Variants in SUPT3H observed in about 807,000 individuals in gnomAD.
The protein encoded by SUPT3H is transcription initiation protein SPT3 homolog.
SUPT3H carries 44 observed loss-of-function variants against 44.3 expected under a neutral mutation model. The observed-to-expected ratio is 0.99, with a 90% CI of 0.78 to 1.28. The LOEUF (loss-of-function observed/expected upper bound fraction) is 1.28, where lower values mean the gene tolerates loss of function less well. Ranked by LOEUF, SUPT3H falls within the 50% of genes most tolerant of loss-of-function variation. SUPT3H has a pLI of 0.00. For synonymous variants in SUPT3H, 124 were observed against 125.6 expected (o/e 0.99, Z 0.09); for missense variants, 380 against 387.1 (o/e 0.98, Z 0.15).
intron 2 of SUPT3H, chr6:45,361,583 G>A (rs1794271650): frequency 1.3e-5 from 2 of 152,244 alleles, no homozygotes; most frequent in South Asian, 4.2e-4. Flanking sequence ...GGCTGCTTGA[G>A]TTCAATAACC....
At chr6:45,312,263 C>A (rs751692582) in intron 2 of SUPT3H, among the ~76,000 whole-genome samples, 34 of 152,254 alleles carry the variant, frequency 2.2e-4, no homozygotes, top group Admixed American at 5.9e-4. Context: ...AATCCCAGCA[C>A]TTTGGGAGGC....
intron 3 of SUPT3H, among the ~76,000 whole-genome samples, chr6:45,082,219 G>C (rs1417473510): frequency 1.3e-5 from 2 of 151,966 alleles, no homozygotes; most frequent in Non-Finnish European, 2.9e-5. Flanking sequence ...GACATACAAA[G>C]AGTTGATATC....
chr6:44,949,369 C>T (rs1773904515), intron 9 of SUPT3H, among the ~76,000 whole-genome samples: 1 of 151,228 alleles, frequency 6.6e-6, no homozygotes, highest in Non-Finnish European at 1.5e-5. Context: ...TGCACATGTA[C>T]CCTAGAACTT....
chr6:45,027,769 T>C lies in SUPT3H; in HGVS notation c.187-7137A>G, dbSNP rs554101572. 2.0e-5 allele frequency among the ~76,000 whole-genome samples: 3 copies of C among 152,230 alleles called. No individual in the cohort carries two copies. In the South Asian group the frequency reaches 6.2e-4, roughly 31 times the overall value. On this transcript the variant is annotated intron_variant, in intron 3 of 10. Transcript: ENST00000371459. ...TCTTGTATGTCTCAAAATGTGTTTA[T>C]GTCATCCTTCTATTCAATTGATAAT...
At chr6:45,235,220 A>G (rs1253285452) in intron 2 of SUPT3H, among the ~76,000 whole-genome samples, 2 of 152,224 alleles carry the variant, frequency 1.3e-5, no homozygotes, top group Admixed American at 1.3e-4. Flanking sequence ...AAACATTATT[A>G]TAAGGCCACA....
intron 5 of SUPT3H, 103 bp downstream of exon 5, chr6:45,014,698 A>T: frequency 1.4e-6 from 1 of 700,280 alleles, no homozygotes; most frequent in African/African-American, 1.8e-5. Flanking sequence ...GACAGTAAAC[A>T]AAATTAACTA....
At chr6:45,331,526 A>G (rs1463932767) in intron 2 of SUPT3H, among the ~76,000 whole-genome samples, 1 of 152,012 alleles carries the variant, frequency 6.6e-6, no homozygotes, top group Admixed American at 6.6e-5. Flanking sequence ...GTTAAGAACA[A>G]ACACAGAAAA....
intron 2 of SUPT3H, among the ~76,000 whole-genome samples, chr6:45,142,827 T>C (rs1805462206): frequency 7.5e-6 from 1 of 133,992 alleles, no homozygotes; most frequent in African/African-American, 2.8e-5. Context: ...AGAGACTCAC[T>C]AACACATAAG....
At chr6:44,883,719 C>A (rs1424314925) in intron 10 of SUPT3H, among the ~76,000 whole-genome samples, 1 of 152,102 alleles carries the variant, frequency 6.6e-6, no homozygotes, top group Non-Finnish European at 1.5e-5. Context: ...ACACACCACA[C>A]ATCTACAACT....
At chr6:45,011,217 C>A (rs1488348166) in intron 5 of SUPT3H, among the ~76,000 whole-genome samples, 1 of 152,024 alleles carries the variant, frequency 6.6e-6, no homozygotes, top group East Asian at 1.9e-4. Context: ...CAGGCTCAAT[C>A]TATATTACCT....
At chr6:44,839,079 G>A (rs549219421) in intron 10 of SUPT3H, among the ~76,000 whole-genome samples, 2 of 152,214 alleles carry the variant, frequency 1.3e-5, no homozygotes, top group East Asian at 3.9e-4. Context: ...CCGAGTTGTG[G>A]AGCCATCCCA....
chr6:44,896,383 T>C (rs973471745), intron 10 of SUPT3H, among the ~76,000 whole-genome samples: 1 of 152,214 alleles, frequency 6.6e-6, no homozygotes, highest in South Asian at 2.1e-4. Flanking sequence ...TTTTAATTCA[T>C]TGAATTCTTA....
At chr6:44,911,935 G>A (rs1006775306) in intron 10 of SUPT3H, among the ~76,000 whole-genome samples, 2 of 152,140 alleles carry the variant, frequency 1.3e-5, no homozygotes, top group African/African-American at 4.8e-5. Flanking sequence ...GAAAGGCTTT[G>A]ATGAGTTAAT....
intron 2 of SUPT3H, among the ~76,000 whole-genome samples, chr6:45,208,497 G>A (rs113259413): frequency 0.025 from 3,767 of 152,234 alleles, 161 homozygotes; most frequent in African/African-American, 0.083. Context: ...AGGCCAAGGC[G>A]GGCAGATCAT....
chr6:45,333,943 A>C (rs1006557134), intron 2 of SUPT3H, among the ~76,000 whole-genome samples: 17 of 151,442 alleles, frequency 1.1e-4, no homozygotes, highest in African/African-American at 4.1e-4. Context: ...AAAACAAGGA[A>C]ATCTCTGACA....
chr6:45,184,173 TA>T (rs955594143), intron 2 of SUPT3H, among the ~76,000 whole-genome samples: 3 of 151,946 alleles, frequency 2.0e-5, no homozygotes, highest in African/African-American at 4.8e-5. Flanking sequence ...TAAAACTTCT[TA>T]AAAAAAAGTC....
intron 2 of SUPT3H, among the ~76,000 whole-genome samples, chr6:45,345,337 G>C (rs1251857491): frequency 6.6e-6 from 1 of 152,054 alleles, no homozygotes. Context: ...CAACCAGAGG[G>C]ACTTTATTAT....
chr6:44,904,863 C>T (rs1406382835), intron 10 of SUPT3H, among the ~76,000 whole-genome samples: 2 of 152,120 alleles, frequency 1.3e-5, no homozygotes, highest in Non-Finnish European at 2.9e-5. Context: ...AGAAATAATG[C>T]CACATATCTA....
intron 2 of SUPT3H, among the ~76,000 whole-genome samples, chr6:45,292,089 C>T (rs151219795): frequency 3.2e-4 from 48 of 152,238 alleles, no homozygotes; most frequent in African/African-American, 1.0e-3. Flanking sequence ...ACAGCAGATA[C>T]CTAAGCAGAA....
Sources: allele counts gnomAD v4.1 joint callset (sites outside exome capture counted in the v4.1 genomes callset), GRCh38; gene constraint gnomAD v4.1.1; transcripts MANE v1.5; gene names NCBI Gene and HGNC (gene_info 2026-07-23, HGNC 2026-07-21).